CNTNAP5: variants seen among roughly 807,000 people sequenced by gnomAD.
CNTNAP5 encodes the protein contactin-associated protein-like 5.
In CNTNAP5, 72 loss-of-function variants were observed where a neutral mutation model predicts 150.2. That is an observed-to-expected ratio of 0.48 (90% confidence interval 0.40 to 0.58). CNTNAP5 has a LOEUF of 0.58. Among genes scored for constraint, CNTNAP5 ranks in the 20% least tolerant of loss-of-function variants. The pLI is 0.00. For synonymous variants in CNTNAP5, 672 were observed against 619.8 expected (o/e 1.08, Z -1.25); for missense variants, 1,636 against 1,626.2 (o/e 1.01, Z -0.10).
intron 13 of CNTNAP5, among the ~76,000 whole-genome samples, chr2:124,670,878 T>C (rs1271996956): frequency 6.6e-6 from 1 of 152,212 alleles, no homozygotes; most frequent in Non-Finnish European, 1.5e-5. Context: ...TTTTCCACTT[T>C]ATTTTTCCTC....
chr2:124,213,970 CATATT>C (rs1392282641), intron 1 of CNTNAP5, among the ~76,000 whole-genome samples: 1 of 152,152 alleles, frequency 6.6e-6, no homozygotes, highest in African/African-American at 2.4e-5. Flanking sequence ...GGTCTGCCGT[CATATT>C]AGAGTTTAGA....
At chr2:124,305,019 A>G (rs923015636) in intron 3 of CNTNAP5, among the ~76,000 whole-genome samples, 3 of 149,056 alleles carry the variant, frequency 2.0e-5, no homozygotes, top group Admixed American at 1.4e-4. Context: ...TAATCTCAGC[A>G]CTCTGAGAGG....
chr2:124,885,905 G>T lies in CNTNAP5; in HGVS notation c.3436+16143G>T, dbSNP rs957121623. ...GAATTGTTTCCATATTTTGGCTGTT[G>T]TATAAATAGGGCTGCTGTGAACATG... On this transcript the variant is annotated intron_variant, in intron 21 of 23. Transcript: ENST00000682447. Among the ~76,000 whole-genome samples, 5 of 151,910 alleles carry T rather than the reference G, an allele frequency of 3.3e-5. No individual in the cohort carries two copies. In the East Asian group the frequency reaches 5.8e-4, roughly 18 times the overall value.
At chr2:124,296,346 C>G (rs951516319) in intron 3 of CNTNAP5, among the ~76,000 whole-genome samples, 1 of 152,218 alleles carries the variant, frequency 6.6e-6, no homozygotes, top group Non-Finnish European at 1.5e-5. Flanking sequence ...TGAAACAAAA[C>G]AGAAGATGCA....
At chr2:124,369,133 G>A (rs1573947829) in intron 3 of CNTNAP5, among the ~76,000 whole-genome samples, 1 of 152,140 alleles carries the variant, frequency 6.6e-6, no homozygotes, top group African/African-American at 2.4e-5. Context: ...TCTGGGTAGT[G>A]TTACCAGAGA....
intron 6 of CNTNAP5, among the ~76,000 whole-genome samples, chr2:124,470,000 TG>T (rs2104829111): frequency 6.6e-6 from 1 of 152,288 alleles, no homozygotes; most frequent in East Asian, 1.9e-4. Flanking sequence ...GTAGATTCCA[TG>T]TGTTTGCTAT....
chr2:124,236,997 C>T (rs1305839), intron 2 of CNTNAP5, among the ~76,000 whole-genome samples: 27,709 of 151,808 alleles, frequency 0.18, 2,842 homozygotes, highest in East Asian at 0.35. Context: ...GGTGTAGTGG[C>T]GGGCATCTGT....
rs577204721 is a variant in CNTNAP5 at position 124,337,709 on chromosome 2, T to C, written c.382-79734T>C. 4.6e-5 allele frequency among the ~76,000 whole-genome samples: 7 copies of C among 152,076 alleles called. No individual in the cohort carries two copies. In the East Asian group the frequency reaches 5.8e-4, roughly 13 times the overall value. On this transcript the variant is annotated intron_variant, in intron 3 of 23. Transcript: ENST00000682447. ...AGATATGCGGCATTATTTCTGAGGG[T>C]TCTGTTCTGTTCCATTGGTCTATAT...
Position 124,656,737 on chromosome 2 carries a change from C to G in CNTNAP5, c.2077+8779C>G, listed in dbSNP as rs564543859. On this transcript the variant is annotated intron_variant, in intron 13 of 23. Coordinates refer to ENST00000682447, the MANE Select transcript of CNTNAP5 (RefSeq NM_001367498.1). ...TTGCCCAAGAATCAACACTCAGACA[C>G]TACATAAAATAAAATATGCATTTTT... Among the ~76,000 whole-genome samples the G allele has an allele frequency of 2.0e-5, 3 of 152,262 alleles. No individual in the cohort carries two copies. The East Asian group carries it at 5.8e-4, about 29-fold the overall frequency.
At chr2:124,069,407 G>A (rs1004830270) in intron 1 of CNTNAP5, among the ~76,000 whole-genome samples, 1 of 152,150 alleles carries the variant, frequency 6.6e-6, no homozygotes, top group Non-Finnish European at 1.5e-5. Context: ...CTTAGGGTCT[G>A]GGGGAACTTG....
At chr2:124,367,652 A>C (rs1189193842) in intron 3 of CNTNAP5, among the ~76,000 whole-genome samples, 1 of 152,138 alleles carries the variant, frequency 6.6e-6, no homozygotes, top group African/African-American at 2.4e-5. Flanking sequence ...TCCATTTCAC[A>C]TCTGAATGCA....
intron 3 of CNTNAP5, among the ~76,000 whole-genome samples, chr2:124,279,699 T>C (rs1367154968): frequency 6.6e-6 from 1 of 152,096 alleles, no homozygotes; most frequent in Admixed American, 6.6e-5. Context: ...TGCTACCAAT[T>C]ACACAGAATC....
chr2:124,727,505 A>T (rs770787752), intron 13 of CNTNAP5, among the ~76,000 whole-genome samples: 11 of 152,086 alleles, frequency 7.2e-5, no homozygotes, highest in Admixed American at 3.9e-4. Context: ...TCAATGTTTT[A>T]TAGTATTCAG....
chr2:124,587,926 T>C (rs1696575456), intron 11 of CNTNAP5, among the ~76,000 whole-genome samples: 1 of 151,892 alleles, frequency 6.6e-6, no homozygotes, highest in Non-Finnish European at 1.5e-5. Flanking sequence ...AGACTTAGGG[T>C]TCTGGGAAAA....
chr2:124,674,169 C>T lies in CNTNAP5; in HGVS notation c.2077+26211C>T, dbSNP rs1316391688. 3.3e-5 allele frequency among the ~76,000 whole-genome samples: 5 copies of T among 152,118 alleles called. No individual in the cohort carries two copies. The South Asian group carries it at 8.3e-4, about 25-fold the overall frequency. On this transcript the variant is annotated intron_variant, in intron 13 of 23. Coordinates refer to ENST00000682447, the MANE Select transcript of CNTNAP5 (RefSeq NM_001367498.1). The stretch of plus-strand genomic sequence containing the variant: ...TGTTTTGATCTTCTCAAATAATCTA[C>T]TTTTAGTCTTATTGATTTTTCTCTA...
intron 3 of CNTNAP5, among the ~76,000 whole-genome samples, chr2:124,346,088 T>TA (rs1470906076): frequency 3.3e-5 from 5 of 152,144 alleles, no homozygotes; most frequent in Admixed American, 1.3e-4. Flanking sequence ...TGGTTTACTT[T>TA]AAAAAAATAA....
At chr2:124,478,294 G>A (rs912359082) in intron 7 of CNTNAP5, among the ~76,000 whole-genome samples, 23 of 152,216 alleles carry the variant, frequency 1.5e-4, no homozygotes, top group South Asian at 4.1e-4. Flanking sequence ...GCTAGCATAT[G>A]TTACTCCTTG....
At chr2:124,772,691 G>A (rs1245327071) in intron 16 of CNTNAP5, 108 bp from the exon 17 acceptor site, 2 of 759,898 alleles carry the variant, frequency 2.6e-6, no homozygotes, top group East Asian at 5.1e-5. Flanking sequence ...TTCAAAAGAA[G>A]TCTTCTCTAT....
intron 1 of CNTNAP5, among the ~76,000 whole-genome samples, chr2:124,149,267 A>C (rs963805310): frequency 6.6e-6 from 1 of 152,066 alleles, no homozygotes; most frequent in African/African-American, 2.4e-5. Flanking sequence ...TAATTTTGAT[A>C]AATGAGTAAA....
Sources: allele counts gnomAD v4.1 joint callset (sites outside exome capture counted in the v4.1 genomes callset), GRCh38; gene constraint gnomAD v4.1.1; transcripts MANE v1.5; gene names NCBI Gene and HGNC (gene_info 2026-07-23, HGNC 2026-07-21).